Variants in ST3GAL1 observed in about 807,000 individuals in gnomAD.
ST3GAL1 encodes CMP-N-acetylneuraminate-beta-galactosamide-alpha-2,3-sialyltransferase 1.
ST3GAL1 carries 16 observed loss-of-function variants against 34.1 expected under a neutral mutation model. That is an observed-to-expected ratio of 0.47 (90% confidence interval 0.32 to 0.71). ST3GAL1 has a LOEUF of 0.71. Ranked by LOEUF, ST3GAL1 falls within the 30% of genes least tolerant of loss-of-function variation. The probability of loss-of-function intolerance (pLI) is 0.04; values close to 1 mark genes in which losing one functional copy is unlikely to be tolerated. For missense variants in ST3GAL1, 353 were observed against 447.4 expected (o/e 0.79, Z 1.90); for synonymous variants, 191 against 184.7 (o/e 1.03, Z -0.28).
At chr8:133,482,229 T>C (rs1001330657) in intron 3 of ST3GAL1, among the ~76,000 whole-genome samples, 2 of 152,154 alleles carry the variant, frequency 1.3e-5, no homozygotes, top group Non-Finnish European at 2.9e-5. Flanking sequence ...AAGAGCTGGA[T>C]TTCAAGTTTT....
intron 2 of ST3GAL1, among the ~76,000 whole-genome samples, chr8:133,535,145 A>C (rs1818272006): frequency 6.6e-6 from 1 of 152,232 alleles, no homozygotes. Flanking sequence ...AGAGAAGGGC[A>C]TTCCAGGTAG....
chr8:133,465,965 A>G lies in ST3GAL1; in HGVS notation c.432T>C (p.Val144=), dbSNP rs779582572. Residue 144 remains valine (V), a synonymous_variant, in exon 6 of 10, where the codon GTT becomes GTC. Transcript: ENST00000522652. ...KRSVGCRRCA[V]VGNSGNLRES... is the part of the protein sequence containing the mutation. ...CCCTCAGGTTGCCCGAGTTGCCCAC[A>G]ACGGCGCAGCGCCGGCAGCCCACCG... The G allele has an allele frequency of 9.3e-6, 15 of 1,614,196 alleles. No individual in the cohort carries two copies. In the South Asian group the frequency reaches 1.4e-4, roughly 15 times the overall value.
rs60990775 is a variant in ST3GAL1, at chr8:133,565,151, C to CTGTGTGTGTGTGTG, written c.-582+6528_-582+6541dup. Among the ~76,000 whole-genome samples, 286 of 139,404 alleles carry CTGTGTGTGTGTGTG rather than the reference C, an allele frequency of 2.1e-3. 1 individual carries two copies. The highest frequency in any genetic ancestry group is 4.0e-3 in the African/African-American group (149 of 36,920). The allele number at this position is 139,404 out of a possible 152,430, so 91.5% of individuals were successfully genotyped here. A position where few individuals can be genotyped will look rare whatever the true frequency, so the allele number is the denominator to read the frequency against. On this transcript the variant is annotated intron_variant, in intron 1 of 9. Coordinates refer to ENST00000522652, the MANE Select transcript of ST3GAL1 (RefSeq NM_173344.3). ...CAAATGAGATAACAGCTCTGTGTGC[C>CTGTGTGTGTGTGTG]TGTGTGTGTGTGTGTGTGTGTGTGT...
chr8:133,540,934 C>CATATATATAGACATATATATAGACAT (rs751280527), intron 2 of ST3GAL1, among the ~76,000 whole-genome samples: 1 of 51,384 alleles, frequency 1.9e-5, no homozygotes, highest in South Asian at 8.0e-4. Flanking sequence ...TATATATAGA[C>CATATATATAGACATATATATAGACAT]ATATATAGAC....
At chr8:133,496,028 C>T (rs116447499) in intron 3 of ST3GAL1, among the ~76,000 whole-genome samples, 1 of 152,140 alleles carries the variant, frequency 6.6e-6, no homozygotes, top group Non-Finnish European at 1.5e-5. Flanking sequence ...AGATGGATAA[C>T]CCAGTAGTGC....
At chr8:133,548,171 G>T (rs544032406) in intron 1 of ST3GAL1, among the ~76,000 whole-genome samples, 2 of 152,118 alleles carry the variant, frequency 1.3e-5, no homozygotes, top group Non-Finnish European at 2.9e-5. Flanking sequence ...GAGAATTAAG[G>T]CACGATGCTC....
At chr8:133,512,297 G>T (rs942330459) in intron 2 of ST3GAL1, among the ~76,000 whole-genome samples, 3 of 152,150 alleles carry the variant, frequency 2.0e-5, no homozygotes, top group African/African-American at 7.2e-5. Flanking sequence ...GGAGTCCGAT[G>T]TTCGAGGGCA....
chr8:133,506,938 TATAA>T (rs1324172461), intron 2 of ST3GAL1, among the ~76,000 whole-genome samples: 5 of 125,316 alleles, frequency 4.0e-5, no homozygotes, highest in Non-Finnish European at 6.6e-5. Flanking sequence ...AAAATAAATA[TATAA>T]ATAAATAAAT....
At chr8:133,537,594 G>T (rs184879833) in intron 2 of ST3GAL1, among the ~76,000 whole-genome samples, 15 of 152,294 alleles carry the variant, frequency 9.8e-5, no homozygotes, top group African/African-American at 3.1e-4. Flanking sequence ...AAGCTCCAAG[G>T]GCTGGAGAAA....
chr8:133,498,575 G>T (rs1233898781), intron 3 of ST3GAL1, among the ~76,000 whole-genome samples: 1 of 152,122 alleles, frequency 6.6e-6, no homozygotes, highest in Non-Finnish European at 1.5e-5. Flanking sequence ...AAGAAGGGAA[G>T]GTAGAACTCA....
intron 1 of ST3GAL1, among the ~76,000 whole-genome samples, chr8:133,562,794 TTTCC>T (rs772597674): frequency 0.13 from 14,364 of 107,266 alleles, 1,453 homozygotes; most frequent in East Asian, 0.19. Flanking sequence ...TCTTTCTTTC[TTTCC>T]TTCCTTCCTT....
chr8:133,506,035 T>A (rs1461120617), intron 2 of ST3GAL1, among the ~76,000 whole-genome samples: 1 of 152,244 alleles, frequency 6.6e-6, no homozygotes, highest in Non-Finnish European at 1.5e-5. Flanking sequence ...GTTCCTCCGT[T>A]GCACCAGCTC....
chr8:133,506,362 T>TG (rs533014328), intron 2 of ST3GAL1, among the ~76,000 whole-genome samples: 191 of 152,334 alleles, frequency 1.3e-3, no homozygotes, highest in Middle Eastern at 0.01. Context: ...AGCTTGGGCA[T>TG]GTGGCAAGGG....
intron 3 of ST3GAL1, among the ~76,000 whole-genome samples, chr8:133,484,793 C>T (rs1392816524): frequency 6.6e-6 from 1 of 152,160 alleles, no homozygotes; most frequent in Non-Finnish European, 1.5e-5. Flanking sequence ...GGATTCCTGC[C>T]ACCTGTCCAT....
At chr8:133,464,040 G>A (rs1423955928) in intron 7 of ST3GAL1, among the ~76,000 whole-genome samples, 7 of 131,534 alleles carry the variant, frequency 5.3e-5, no homozygotes, top group Admixed American at 3.6e-4. Flanking sequence ...ACCCACATCC[G>A]GGGGCTAGCT....
chr8:133,458,712 AT>A lies in ST3GAL1; in HGVS notation c.*1051del, dbSNP rs1200648745. On this transcript the variant is annotated 3_prime_UTR_variant, in exon 10 of 10. Coordinates refer to ENST00000522652, the MANE Select transcript of ST3GAL1 (RefSeq NM_173344.3). ...TTTCCCAAGTAAGGGCTTTTGTTTC[AT>A]TTCAGCCAATGCATGCTTTTCTTTC... The A allele has an allele frequency of 6.6e-6, 1 of 152,094 alleles. No individual in the cohort carries two copies. The highest frequency in any genetic ancestry group is 2.4e-5 in the African/African-American group (1 of 41,388). 9.4% of individuals were successfully genotyped at this position (152,094 alleles called of 1,614,324 possible).
At position 133,461,815 on chromosome 8, in the gene ST3GAL1, T is replaced by G. The variant is rs931855703; in HGVS notation, c.849+60A>C. The G allele has an allele frequency of 5.0e-6, 8 of 1,606,382 alleles. No homozygotes were observed. The highest frequency in any genetic ancestry group is 6.8e-6 in the Non-Finnish European group (8 of 1,175,090). On this transcript the variant is annotated intron_variant, in intron 9 of 9. Coordinates refer to ENST00000522652, the MANE Select transcript of ST3GAL1 (RefSeq NM_173344.3). This position sits in a 1 kb window ranked among gnomAD's most constrained non-coding sequence, Gnocchi z 4.7. ...CTGCCCTCCCCCTCCCTGGCCTCTCTTGGGAACACAGGACGGTGAGCTTCG... is the reference window on the plus strand; with the variant it reads ...CTGCCCTCCCCCTCCCTGGCCTCTCGTGGGAACACAGGACGGTGAGCTTCG...
At chr8:133,544,966 G>C (rs2131073904) in intron 2 of ST3GAL1, among the ~76,000 whole-genome samples, 1 of 152,326 alleles carries the variant, frequency 6.6e-6, no homozygotes, top group Non-Finnish European at 1.5e-5. Flanking sequence ...GCAGAGTGAA[G>C]TGACATATCC....
At chr8:133,463,579 T>A in intron 7 of ST3GAL1, 120 bp from the exon 8 acceptor site, 3 of 1,085,454 alleles carry the variant, frequency 2.8e-6, no homozygotes, top group Non-Finnish European at 4.1e-6. Context: ...CTGCCCCCCA[T>A]AGCTTCCCTC....
Sources: allele counts gnomAD v4.1 joint callset (sites outside exome capture counted in the v4.1 genomes callset), GRCh38; gene constraint gnomAD v4.1.1; non-coding constraint Gnocchi (gnomAD v3.1); transcripts MANE v1.5; gene names NCBI Gene and HGNC (gene_info 2026-07-23, HGNC 2026-07-21).